PRLR: variants seen among roughly 807,000 people sequenced by gnomAD.
The protein encoded by PRLR is prolactin receptor.
In PRLR, 13 loss-of-function variants were observed where a neutral mutation model predicts 40.2. The observed-to-expected ratio is 0.32, with a 90% CI of 0.21 to 0.51. PRLR has a LOEUF of 0.51. PRLR is among the 20% of genes least tolerant of loss of function. The probability of loss-of-function intolerance (pLI) is 0.97; values close to 1 mark genes in which losing one functional copy is unlikely to be tolerated. For synonymous variants in PRLR, 269 were observed against 278.7 expected (o/e 0.97, Z 0.35); for missense variants, 656 against 747.3 (o/e 0.88, Z 1.42).
In PRLR at chr5:35,068,771, T is replaced by G. The variant is rs1561264477; in HGVS notation, c.785+8A>C. The stretch of plus-strand genomic sequence containing the variant: ...ATTGGGAGGAAAAGTTGAGAGACAG[T>G]GAAGTACCTATAGCCCTTCAAAGCC... On this transcript the variant is annotated splice_region_variant and intron_variant, in intron 8 of 9. Coordinates refer to ENST00000618457, the MANE Select transcript of PRLR (RefSeq NM_000949.7). 8 of 1,577,286 alleles carry G rather than the reference T, an allele frequency of 5.1e-6. No homozygotes were observed. The highest frequency in any genetic ancestry group is 7.0e-6 in the Non-Finnish European group (8 of 1,147,236).
At chr5:35,121,551 A>T (rs1773291905) in intron 1 of PRLR, among the ~76,000 whole-genome samples, 1 of 152,368 alleles carries the variant, frequency 6.6e-6, no homozygotes, top group South Asian at 2.1e-4. Flanking sequence ...GCCATATTAA[A>T]TAATTCAATT....
chr5:35,099,916 C>T (rs957643050), intron 2 of PRLR, among the ~76,000 whole-genome samples: 2 of 152,022 alleles, frequency 1.3e-5, no homozygotes, highest in Non-Finnish European at 2.9e-5. Context: ...GTGGTTCACG[C>T]CTGTAATCCC....
chr5:35,100,561 T>C (rs893192044), intron 2 of PRLR, among the ~76,000 whole-genome samples: 21 of 152,342 alleles, frequency 1.4e-4, no homozygotes, highest in African/African-American at 4.8e-4. Flanking sequence ...TAAAATGTTG[T>C]ATACGATTGT....
intron 1 of PRLR, among the ~76,000 whole-genome samples, chr5:35,137,736 G>A (rs1191265677): frequency 6.6e-6 from 1 of 152,176 alleles, no homozygotes; most frequent in Non-Finnish European, 1.5e-5. Flanking sequence ...TTTAATGGAA[G>A]GACACATGCA....
At chr5:35,129,938 TGACTTACCCTG>T (rs1283959456) in intron 1 of PRLR, among the ~76,000 whole-genome samples, 1 of 152,032 alleles carries the variant, frequency 6.6e-6, no homozygotes, top group Non-Finnish European at 1.5e-5. Context: ...AGAAGCCAGG[TGACTTACCCTG>T]GGCATGTCGC....
chr5:35,224,927 G>T (rs1338219532), intron 1 of PRLR, among the ~76,000 whole-genome samples: 1 of 151,998 alleles, frequency 6.6e-6, no homozygotes, highest in Non-Finnish European at 1.5e-5. Context: ...GTGGACAAAA[G>T]AAACCAAAGG....
At chr5:35,203,207 A>G (rs977739161) in intron 1 of PRLR, among the ~76,000 whole-genome samples, 11 of 152,318 alleles carry the variant, frequency 7.2e-5, no homozygotes, top group Admixed American at 6.5e-4. Flanking sequence ...ATTCTTTCAG[A>G]AAGACTGAGC....
intron 5 of PRLR, 129 bp downstream of exon 5, chr5:35,084,341 C>A: frequency 1.1e-6 from 1 of 894,120 alleles, no homozygotes; most frequent in Middle Eastern, 2.4e-4. Context: ...TGTTGACAAG[C>A]ATATCGTGAG....
At chr5:35,160,734 C>T (rs1774650829) in intron 1 of PRLR, among the ~76,000 whole-genome samples, 1 of 152,146 alleles carries the variant, frequency 6.6e-6, no homozygotes, top group African/African-American at 2.4e-5. Context: ...TTCACCCGGA[C>T]CTGCCAAATC....
chr5:35,065,476 C>T lies in PRLR; in HGVS notation c.1482G>A (p.Leu494=), dbSNP rs775817250. 7.4e-6 allele frequency: 12 copies of T among 1,614,146 alleles called. No homozygotes were observed. Among genetic ancestry groups the T allele is most frequent in the Middle Eastern group, 3.3e-4 (2 of 6,062 alleles). The change falls in exon 10 of 10, where the codon CTG becomes CTA. Residue 494 remains leucine (L), a synonymous_variant. Coordinates refer to ENST00000618457, the MANE Select transcript of PRLR (RefSeq NM_000949.7). ...AGCCAAAGGGGGTTTTCTCCTGGGG[C>T]AGCAGCCAGGGCGTATCCTGGTCAG... ...SETDQDTPWL[L]PQEKTPFGSA...
intron 1 of PRLR, among the ~76,000 whole-genome samples, chr5:35,221,902 C>G (rs915193364): frequency 1.3e-5 from 2 of 152,234 alleles, no homozygotes; most frequent in Admixed American, 1.3e-4. Flanking sequence ...ATTGCCAAGA[C>G]TCTGGCTTTT....
intron 1 of PRLR, among the ~76,000 whole-genome samples, chr5:35,211,326 T>C (rs1328547026): frequency 1.3e-5 from 2 of 152,202 alleles, no homozygotes; most frequent in Non-Finnish European, 2.9e-5. Context: ...AGAGGTGATG[T>C]GACCAACCTG....
intron 1 of PRLR, among the ~76,000 whole-genome samples, chr5:35,207,440 C>T (rs777196146): frequency 2.8e-4 from 42 of 151,946 alleles, no homozygotes; most frequent in Admixed American, 9.8e-4. Flanking sequence ...AAGAATACCC[C>T]GTCAATAAAT....
chr5:35,074,041 T>A (rs2112410221), intron 5 of PRLR, among the ~76,000 whole-genome samples: 1 of 152,270 alleles, frequency 6.6e-6, no homozygotes, highest in East Asian at 1.9e-4. Flanking sequence ...CACTCCTAGA[T>A]ATAGATTCAA....
chr5:35,149,936 GC>G (rs1774291834), intron 1 of PRLR, among the ~76,000 whole-genome samples: 1 of 151,750 alleles, frequency 6.6e-6, no homozygotes, highest in Admixed American at 6.6e-5. Context: ...TCAGCTCACT[GC>G]AACCTCTGCC....
At chr5:35,217,715 A>G (rs770538588) in intron 1 of PRLR, among the ~76,000 whole-genome samples, 2 of 152,230 alleles carry the variant, frequency 1.3e-5, no homozygotes, top group Non-Finnish European at 1.5e-5. Context: ...TGAATTTTAA[A>G]CCATGCATAA....
intron 1 of PRLR, among the ~76,000 whole-genome samples, chr5:35,170,129 A>G (rs1157250078): frequency 2.0e-5 from 3 of 152,216 alleles, no homozygotes; most frequent in African/African-American, 7.2e-5. Context: ...TCATCCCACA[A>G]TCCATCATGT....
chr5:35,119,413 C>CAT (rs1773201285), intron 1 of PRLR, among the ~76,000 whole-genome samples: 1 of 151,902 alleles, frequency 6.6e-6, no homozygotes, highest in Non-Finnish European at 1.5e-5. Flanking sequence ...CACACACACA[C>CAT]ACCACTTTCT....
intron 1 of PRLR, among the ~76,000 whole-genome samples, chr5:35,130,625 C>T (rs1455520196): frequency 3.9e-5 from 6 of 152,110 alleles, no homozygotes; most frequent in Non-Finnish European, 7.3e-5. Context: ...AATCTAACCA[C>T]AACAGAGGAC....
Sources: allele counts gnomAD v4.1 joint callset (sites outside exome capture counted in the v4.1 genomes callset), GRCh38; gene constraint gnomAD v4.1.1; transcripts MANE v1.5; gene names NCBI Gene and HGNC (gene_info 2026-07-23, HGNC 2026-07-21).